The following PCNX1 variants were observed in gnomAD, a reference collection of about 807,000 sequenced individuals.
The protein encoded by PCNX1 is pecanex-like protein 1.
A neutral mutation model predicts 242.2 loss-of-function variants in PCNX1; 78 were observed. The ratio of observed to expected loss-of-function variants is 0.32; its 90% CI spans 0.27 to 0.39. PCNX1 has a LOEUF of 0.39. Among genes scored for constraint, PCNX1 ranks in the 10% least tolerant of loss-of-function variants. PCNX1 has a pLI of 1.00. For missense variants in PCNX1, 2,581 were observed against 2,856.5 expected (o/e 0.90, Z 2.20); for synonymous variants, 1,024 against 1,032.9 (o/e 0.99, Z 0.17).
Position 71,083,349 on chromosome 14 carries a change from G to C in PCNX1, c.5338-4981G>C, listed in dbSNP as rs10438163. Among the ~76,000 whole-genome samples, 796 of 152,212 alleles carry C rather than the reference G, an allele frequency of 5.2e-3. 4 individuals carry two copies. The highest frequency in any genetic ancestry group is 0.018 in the African/African-American group (768 of 41,520). ...TGTGTCTTGGGGTTGCTCTTCTTAA[G>C]GAGTACCTTTGTGGTGTTCTCTGTA... On this transcript the variant is annotated intron_variant, in intron 28 of 35. Coordinates refer to ENST00000304743, the MANE Select transcript of PCNX1 (RefSeq NM_014982.3).
chr14:71,007,672 T>G (rs2059704340), intron 8 of PCNX1, among the ~76,000 whole-genome samples: 1 of 152,180 alleles, frequency 6.6e-6, no homozygotes, highest in Non-Finnish European at 1.5e-5. Context: ...TTTTTTCTCT[T>G]AATCTAAGTT....
intron 1 of PCNX1, among the ~76,000 whole-genome samples, chr14:70,945,811 G>A (rs2057433239): frequency 6.6e-6 from 1 of 152,122 alleles, no homozygotes; most frequent in Non-Finnish European, 1.5e-5. Context: ...GGGATTACAA[G>A]TGCCCACCAC....
intron 20 of PCNX1, among the ~76,000 whole-genome samples, 188 bp downstream of exon 20, chr14:71,045,471 C>G (rs2060833386): frequency 6.6e-6 from 1 of 152,138 alleles, no homozygotes. Context: ...ATATGAGTAT[C>G]AGTGCTACAG....
At chr14:71,075,910 A>G (rs1469807281) in intron 27 of PCNX1, among the ~76,000 whole-genome samples, 1 of 152,056 alleles carries the variant, frequency 6.6e-6, no homozygotes, top group Non-Finnish European at 1.5e-5. Context: ...ATAAAATAAA[A>G]TAAATAGAAT....
chr14:70,979,773 T>G (rs1354549922), intron 6 of PCNX1, among the ~76,000 whole-genome samples: 1 of 152,132 alleles, frequency 6.6e-6, no homozygotes, highest in African/African-American at 2.4e-5. Context: ...TCTTAGATTT[T>G]TTTGGGGGTC....
intron 26 of PCNX1, among the ~76,000 whole-genome samples, chr14:71,071,877 C>T (rs1029089201): frequency 6.6e-6 from 1 of 152,060 alleles, no homozygotes; most frequent in Non-Finnish European, 1.5e-5. Flanking sequence ...ATAAATTGCC[C>T]AAATTTCAAT....
chr14:71,081,163 G>T (rs575295001), intron 28 of PCNX1, among the ~76,000 whole-genome samples: 3 of 152,226 alleles, frequency 2.0e-5, no homozygotes, highest in Middle Eastern at 3.4e-3. Flanking sequence ...TTATGTGATG[G>T]ATTACGTTTA....
chr14:71,002,249 A>G (rs1041557934), intron 8 of PCNX1, among the ~76,000 whole-genome samples: 1 of 152,166 alleles, frequency 6.6e-6, no homozygotes, highest in Non-Finnish European at 1.5e-5. Context: ...AACGGCAAAT[A>G]CCAATGTAAT....
In PCNX1 at chr14:71,042,285, A is replaced by G. The variant is rs1319613377; in HGVS notation, c.3868-2848A>G. Among the ~76,000 whole-genome samples the G allele has an allele frequency of 4.6e-4, 70 of 152,138 alleles. 1 individual carries two copies. The highest frequency in any genetic ancestry group is 2.1e-4 in the South Asian group (1 of 4,830). ...AATCGAGGTGTTGATGTTCCCAACT[A>G]TTACTCTATTGGGGTCTATCTCATT... On this transcript the variant is annotated intron_variant, in intron 19 of 35. Coordinates refer to ENST00000304743, the MANE Select transcript of PCNX1 (RefSeq NM_014982.3).
chr14:70,939,939 C>G (rs1187679496), intron 1 of PCNX1, among the ~76,000 whole-genome samples: 1 of 152,168 alleles, frequency 6.6e-6, no homozygotes, highest in African/African-American at 2.4e-5. Context: ...TTATCAGAGA[C>G]TAGGATTGCA....
At chr14:70,916,236 C>T (rs961064835) in intron 1 of PCNX1, among the ~76,000 whole-genome samples, 1 of 152,000 alleles carries the variant, frequency 6.6e-6, no homozygotes, top group Non-Finnish European at 1.5e-5. Flanking sequence ...TTCAGAGTGT[C>T]GAAGAGGAAT....
chr14:71,078,248 C>T (rs2061766101), intron 28 of PCNX1, among the ~76,000 whole-genome samples: 1 of 152,160 alleles, frequency 6.6e-6, no homozygotes, highest in Admixed American at 6.5e-5. Flanking sequence ...ATCTTCATCT[C>T]CTTAAGATCT....
At chr14:70,912,431 T>C (rs1207417179) in intron 1 of PCNX1, among the ~76,000 whole-genome samples, 1 of 152,056 alleles carries the variant, frequency 6.6e-6, no homozygotes, top group Non-Finnish European at 1.5e-5. Context: ...ACTTGATCAA[T>C]ATTCCTAACT....
intron 1 of PCNX1, among the ~76,000 whole-genome samples, chr14:70,917,910 G>A (rs2056214616): frequency 6.6e-6 from 1 of 152,166 alleles, no homozygotes; most frequent in Non-Finnish European, 1.5e-5. Flanking sequence ...AGATCTTCTG[G>A]ATAACTTGCT....
At position 70,994,423 on chromosome 14, in the gene PCNX1, ATATATATG is replaced by A. The variant is rs1230221311; in HGVS notation, c.2445-1314_2445-1307del. ...TATATATATATATATATATATATAT[ATATATATG>A]TATGTATGTATGTTTCAACATAGCC... On this transcript the variant is annotated intron_variant, in intron 7 of 35. Transcript: ENST00000304743. Among the ~76,000 whole-genome samples, 135 of 98,520 alleles carry A rather than the reference ATATATATG, an allele frequency of 1.4e-3. 1 individual carries two copies. Among genetic ancestry groups the A allele is most frequent in the Admixed American group, 6.2e-3 (59 of 9,464 alleles). The allele number at this position is 98,520 out of a possible 152,430, so 64.6% of individuals were successfully genotyped here. A position where few individuals can be genotyped will look rare whatever the true frequency, so the allele number is the denominator to read the frequency against.
At chr14:70,948,635 T>A (rs144050098) in intron 2 of PCNX1, among the ~76,000 whole-genome samples, 2 of 140,738 alleles carry the variant, frequency 1.4e-5, no homozygotes, top group Non-Finnish European at 1.7e-5. Flanking sequence ...ACATATATAG[T>A]TGTGTATATA....
At position 71,073,540 on chromosome 14, in the gene PCNX1, C is replaced by G. The variant is rs748340535; in HGVS notation, c.4853-5C>G. ...CCTTTGTAAAGCTCTCTCTCTCTCT[C>G]TAAGGTACCTACTGTCAACAACGGG... is the stretch of plus-strand genomic sequence containing the variant. On this transcript the variant is annotated splice_polypyrimidine_tract_variant and splice_region_variant and intron_variant, in intron 26 of 35. Coordinates refer to ENST00000304743, the MANE Select transcript of PCNX1 (RefSeq NM_014982.3). 1.9e-6 allele frequency: 3 copies of G among 1,606,996 alleles called. No individual in the cohort carries two copies. The highest frequency in any genetic ancestry group is 1.7e-5 in the Admixed American group (1 of 59,430).
chr14:71,101,327 A>C (rs1267224986), intron 30 of PCNX1, among the ~76,000 whole-genome samples: 2 of 152,228 alleles, frequency 1.3e-5, no homozygotes, highest in Admixed American at 1.3e-4. Context: ...TAATAGGGAG[A>C]TACATTTCAT....
rs1413699712 is a variant in PCNX1, at chr14:70,969,044, T to C, written c.538T>C (p.Ser180Pro). The C allele has an allele frequency of 3.1e-6, 5 of 1,608,338 alleles. No individual in the cohort carries two copies. The South Asian group carries it at 5.5e-5, about 18-fold the overall frequency. ...AGGAGATACAGACACTGCTAAGACT[T>C]CTGATGATATCAGTTTAAGTCTGGG... ...IKGDTDTAKT[S>P]DDISLSLGQS... Residue 180 changes from serine (S) to proline (P), a missense_variant, in exon 5 of 36, where the codon TCT (serine) becomes CCT (proline). Coordinates refer to ENST00000304743, the MANE Select transcript of PCNX1 (RefSeq NM_014982.3).
Sources: gnomAD v4.1 joint callset for allele counts (sites outside exome capture counted in the v4.1 genomes callset) on GRCh38, gnomAD v4.1.1 for gene constraint, MANE v1.5 for transcripts, NCBI Gene and HGNC (gene_info 2026-07-23, HGNC 2026-07-21) for gene names.